SPIDR: variants seen among roughly 807,000 people sequenced by gnomAD.
SPIDR encodes DNA repair-scaffolding protein.
A neutral mutation model predicts 104.6 loss-of-function variants in SPIDR; 93 were observed. The ratio of observed to expected loss-of-function variants is 0.89; its 90% CI spans 0.75 to 1.06. The LOEUF (loss-of-function observed/expected upper bound fraction) is 1.06. Ranked by LOEUF, SPIDR falls within the 50% of genes least tolerant of loss-of-function variation. SPIDR has a pLI of 0.00. For synonymous variants in SPIDR, 431 were observed against 416.9 expected (o/e 1.03, Z -0.41); for missense variants, 1,154 against 1,111.2 (o/e 1.04, Z -0.55).
At chr8:47,592,410 T>A in intron 8 of SPIDR, 2 of 1,423,642 alleles carry the variant, frequency 1.4e-6, no homozygotes, top group Non-Finnish European at 2.0e-6. Context: ...CTGTAGGGGC[T>A]GCCATTGAGT....
chr8:47,486,414 C>T (rs1586534097), intron 8 of SPIDR, among the ~76,000 whole-genome samples: 1 of 152,090 alleles, frequency 6.6e-6, no homozygotes, highest in African/African-American at 2.4e-5. Context: ...ATGGAACCAA[C>T]CTGGAAAACA....
intron 11 of SPIDR, among the ~76,000 whole-genome samples, chr8:47,700,045 C>T (rs961166540): frequency 8.5e-5 from 13 of 152,210 alleles, no homozygotes; most frequent in African/African-American, 3.1e-4. Flanking sequence ...CATACATACA[C>T]ACACACACAG....
In SPIDR at chr8:47,672,406, A is replaced by G. The variant is rs909491104; in HGVS notation, c.1545-1395A>G. 2.0e-5 allele frequency among the ~76,000 whole-genome samples: 3 copies of G among 151,940 alleles called. No homozygotes were observed. The East Asian group carries it at 5.8e-4, about 29-fold the overall frequency. ...GTGTTAGACCTTCTCACTCTCCTCTATTTCTGCACCTTCTCTCATGTTTTT... is the reference window on the plus strand; with the variant it reads ...GTGTTAGACCTTCTCACTCTCCTCTGTTTCTGCACCTTCTCTCATGTTTTT... On this transcript the variant is annotated intron_variant, in intron 10 of 19. Transcript: ENST00000297423.
chr8:47,563,884 A>G (rs1219674473), intron 8 of SPIDR, among the ~76,000 whole-genome samples: 6 of 152,146 alleles, frequency 3.9e-5, no homozygotes, highest in South Asian at 2.1e-4. Context: ...GGAAATGTCT[A>G]TTTAACACAA....
intron 11 of SPIDR, among the ~76,000 whole-genome samples, chr8:47,688,015 A>AGTGTGTGTG (rs1563546666): frequency 4.8e-5 from 3 of 62,462 alleles, no homozygotes; most frequent in South Asian, 4.7e-4. Flanking sequence ...CAAAAAAAAA[A>AGTGTGTGTG]AGTGTGTGTG....
At chr8:47,440,232 A>G in intron 7 of SPIDR, 91 bp from the exon 8 acceptor site, 1 of 1,118,196 alleles carries the variant, frequency 8.9e-7, no homozygotes, top group Non-Finnish European at 1.3e-6. Context: ...TGCTATCTGC[A>G]TGTGGATCTT....
At chr8:47,372,195 G>C in intron 5 of SPIDR, among the ~76,000 whole-genome samples, 1 of 152,138 alleles carries the variant, frequency 6.6e-6, no homozygotes, top group East Asian at 1.9e-4. Context: ...TCTGTACTTT[G>C]AGTTTCTGAG....
chr8:47,348,152 A>C (rs1295913064), intron 5 of SPIDR, among the ~76,000 whole-genome samples: 1 of 152,140 alleles, frequency 6.6e-6, no homozygotes, highest in African/African-American at 2.4e-5. Flanking sequence ...GGTGGTGACA[A>C]ACTCTCTCAG....
chr8:47,495,270 G>C (rs1185915379), intron 8 of SPIDR, among the ~76,000 whole-genome samples: 2 of 151,928 alleles, frequency 1.3e-5, no homozygotes, highest in East Asian at 3.9e-4. Context: ...ACTTGGGACT[G>C]TGGGCACATT....
At chr8:47,458,428 A>C (rs751096352) in intron 8 of SPIDR, among the ~76,000 whole-genome samples, 2 of 147,368 alleles carry the variant, frequency 1.4e-5, no homozygotes, top group African/African-American at 5.0e-5. Context: ...TTTTTATTTG[A>C]TTCTCAGCTT....
At chr8:47,461,857 T>C (rs903452025) in intron 8 of SPIDR, among the ~76,000 whole-genome samples, 7 of 152,108 alleles carry the variant, frequency 4.6e-5, no homozygotes, top group African/African-American at 1.4e-4. Context: ...GGACTTTATC[T>C]TTCTCTGATG....
At chr8:47,277,422 G>A (rs2154219270) in intron 1 of SPIDR, among the ~76,000 whole-genome samples, 1 of 151,814 alleles carries the variant, frequency 6.6e-6, no homozygotes, top group Non-Finnish European at 1.5e-5. Context: ...CTTCAGAACT[G>A]TGGCGTGATT....
chr8:47,722,115 C>A (rs1348526567), intron 16 of SPIDR, among the ~76,000 whole-genome samples: 1 of 152,040 alleles, frequency 6.6e-6, no homozygotes, highest in East Asian at 1.9e-4. Context: ...TAGATTTATA[C>A]CTAAGTATTT....
At chr8:47,468,553 A>G (rs1554719008) in intron 8 of SPIDR, among the ~76,000 whole-genome samples, 1 of 152,122 alleles carries the variant, frequency 6.6e-6, no homozygotes, top group Non-Finnish European at 1.5e-5. Context: ...AAGGCCGCAC[A>G]CCTACAGTCA....
chr8:47,618,028 A>G (rs557530989), intron 10 of SPIDR, among the ~76,000 whole-genome samples: 1 of 152,334 alleles, frequency 6.6e-6, no homozygotes, highest in East Asian at 1.9e-4. Flanking sequence ...CTTTAGGCCA[A>G]AAGATATCTT....
chr8:47,459,170 G>A (rs1482288288), intron 8 of SPIDR, among the ~76,000 whole-genome samples: 2 of 152,088 alleles, frequency 1.3e-5, no homozygotes, highest in African/African-American at 2.4e-5. Flanking sequence ...GATTTAGGGA[G>A]GATTGCCTCT....
intron 5 of SPIDR, among the ~76,000 whole-genome samples, chr8:47,306,586 C>T (rs1021034418): frequency 1.1e-4 from 17 of 152,100 alleles, no homozygotes; most frequent in African/African-American, 2.2e-4. Context: ...TTGTTGGGTA[C>T]AGTGTTGTGT....
chr8:47,420,827 C>T (rs2065301627), intron 7 of SPIDR, among the ~76,000 whole-genome samples: 1 of 152,186 alleles, frequency 6.6e-6, no homozygotes. Context: ...CAAAATCTCC[C>T]AACATTTGTT....
intron 5 of SPIDR, among the ~76,000 whole-genome samples, chr8:47,296,582 G>A (rs1446984476): frequency 2.6e-5 from 4 of 152,132 alleles, no homozygotes; most frequent in African/African-American, 9.7e-5. Context: ...AAATGTGTGG[G>A]TTTACTTCTG....
Sources: allele counts gnomAD v4.1 joint callset (sites outside exome capture counted in the v4.1 genomes callset), GRCh38; gene constraint gnomAD v4.1.1; transcripts MANE v1.5; gene names NCBI Gene and HGNC (gene_info 2026-07-23, HGNC 2026-07-21).